Variants in NAV2 observed in about 807,000 individuals in gnomAD.
NAV2 encodes the protein helicase, APC down-regulated 1.
NAV2 carries 54 observed loss-of-function variants against 223.2 expected under a neutral mutation model. The observed-to-expected ratio is 0.24, with a 90% confidence interval of 0.19 to 0.30. The LOEUF (loss-of-function observed/expected upper bound fraction) is 0.30. Ranked by LOEUF, NAV2 falls within the 10% of genes least tolerant of loss-of-function variation. The pLI, the probability that NAV2 is intolerant of heterozygous loss-of-function variation, is 1.00. For missense variants in NAV2, 2,806 were observed against 3,147.5 expected (o/e 0.89, Z 2.60); for synonymous variants, 1,279 against 1,239.3 (o/e 1.03, Z -0.67).
chr11:19,970,245 T>G (rs1306036408), intron 10 of NAV2, among the ~76,000 whole-genome samples: 2 of 152,184 alleles, frequency 1.3e-5, no homozygotes, highest in South Asian at 2.1e-4. Flanking sequence ...CTCAGCTCAC[T>G]GCAACCTCCA....
At chr11:19,452,248 T>G (rs1177027433) in intron 1 of NAV2, among the ~76,000 whole-genome samples, 1 of 152,186 alleles carries the variant, frequency 6.6e-6, no homozygotes, top group Non-Finnish European at 1.5e-5. Context: ...TTTAAGAGAT[T>G]GCTTTTAAAA....
At chr11:19,687,566 A>T (rs2049057443) in intron 1 of NAV2, among the ~76,000 whole-genome samples, 1 of 152,146 alleles carries the variant, frequency 6.6e-6, no homozygotes, top group African/African-American at 2.4e-5. Context: ...TATTCCCTGG[A>T]GCTATGGAGA....
At chr11:19,849,479 G>C (rs191096725) in intron 3 of NAV2, among the ~76,000 whole-genome samples, 1 of 152,186 alleles carries the variant, frequency 6.6e-6, no homozygotes, top group African/African-American at 2.4e-5. Flanking sequence ...CCTTGAATTG[G>C]CCTCGAAGAG....
At chr11:19,901,546 C>A (rs1434609832) in intron 6 of NAV2, among the ~76,000 whole-genome samples, 1 of 152,198 alleles carries the variant, frequency 6.6e-6, no homozygotes, top group Non-Finnish European at 1.5e-5. Context: ...GAAAAGAGAA[C>A]ACTCCCTTTT....
At chr11:19,638,514 G>T (rs2047567562) in intron 1 of NAV2, among the ~76,000 whole-genome samples, 1 of 152,186 alleles carries the variant, frequency 6.6e-6, no homozygotes, top group African/African-American at 2.4e-5. Context: ...TCTAACAGTT[G>T]TTGAATTTTT....
chr11:19,440,567 A>T (rs1015962185), intron 1 of NAV2, among the ~76,000 whole-genome samples: 7 of 152,172 alleles, frequency 4.6e-5, no homozygotes, highest in Admixed American at 2.6e-4. Flanking sequence ...CTAGTCATTC[A>T]TTCTTGCATT....
chr11:20,077,990 T>G lies in NAV2; in HGVS notation c.5068-3T>G. On this transcript the variant is annotated splice_region_variant and splice_polypyrimidine_tract_variant and intron_variant, in intron 23 of 37. Coordinates refer to ENST00000349880, the MANE Select transcript of NAV2 (RefSeq NM_145117.5). Reference sequence around the variant, plus strand: ...CTGACCAATAATTTTTTCTGTTCCCTAGGACTCAGAACTGAATGAGTTAAG... The same window carrying G: ...CTGACCAATAATTTTTTCTGTTCCCGAGGACTCAGAACTGAATGAGTTAAG... 6.2e-7 allele frequency: 1 copy of G among 1,608,944 alleles called. No homozygotes were observed. Among genetic ancestry groups the G allele is most frequent in the Non-Finnish European group, 8.5e-7 (1 of 1,175,554 alleles).
At chr11:20,056,739 G>C (rs1361986093) in intron 19 of NAV2, 1 of 715,054 alleles carries the variant, frequency 1.4e-6, no homozygotes, top group East Asian at 2.7e-5. Flanking sequence ...ATAGGAGTCA[G>C]ACTAGCAGAG....
intron 1 of NAV2, among the ~76,000 whole-genome samples, chr11:19,665,329 G>A (rs977214310): frequency 3.3e-5 from 5 of 152,200 alleles, no homozygotes; most frequent in African/African-American, 1.2e-4. Context: ...CTCCTTTCAG[G>A]TCTGTGGAGC....
chr11:19,713,850 A>G lies in NAV2; in HGVS notation c.155A>G (p.Tyr52Cys), dbSNP rs148165391. 3,050 of 1,613,580 alleles carry G rather than the reference A, an allele frequency of 1.9e-3. 1 individual carries two copies. Among genetic ancestry groups the G allele is most frequent in the Non-Finnish European group, 2.4e-3 (2,774 of 1,179,908 alleles). ...AAGGTGGAGGTGAGCAAGACCACCT[A>G]TCCTAGCCAGATCCCCCTGAAATCG... is the stretch of plus-strand genomic sequence containing the variant. ...GSKVEVSKTT[Y>C]PSQIPLKSQV... The change falls in exon 1 of 38, where the codon TAT (tyrosine) becomes TGT (cysteine). Residue 52 changes from tyrosine (Y) to cysteine (C), a missense_variant. By Grantham distance (194) the Tyr-to-Cys change is radical. Coordinates refer to ENST00000349880, the MANE Select transcript of NAV2 (RefSeq NM_145117.5). The surrounding 1 kb of genome is among the most constrained non-coding windows in gnomAD (Gnocchi z 7.2).
intron 1 of NAV2, among the ~76,000 whole-genome samples, chr11:19,606,445 A>G (rs1455540874): frequency 6.6e-6 from 1 of 152,190 alleles, no homozygotes; most frequent in Non-Finnish European, 1.5e-5. Flanking sequence ...CTCAGTGTCC[A>G]GTGCTCCTCG....
chr11:20,082,589 C>G, intron 25 of NAV2: 1 of 1,613,918 alleles, frequency 6.2e-7, no homozygotes, highest in Non-Finnish European at 8.5e-7. Flanking sequence ...TTTTCTCTGG[C>G]AGGTCAATGA....
chr11:20,075,431 C>G (rs534936783), intron 22 of NAV2, among the ~76,000 whole-genome samples: 2 of 151,810 alleles, frequency 1.3e-5, no homozygotes, highest in Non-Finnish European at 1.5e-5. Context: ...TTAGTAGAGA[C>G]GGGGTTTCAC....
At position 19,530,108 on chromosome 11, in the gene NAV2, A is replaced by C. The variant is rs1289862066; in HGVS notation, c.75+179081A>C. Reference sequence around the variant, plus strand: ...AGCAAGTCACCATTGTCACCACTGGAAGTGGTGAGGAAGATCACTTGCAGG... The same window carrying C: ...AGCAAGTCACCATTGTCACCACTGGCAGTGGTGAGGAAGATCACTTGCAGG... On this transcript the variant is annotated intron_variant, in intron 1 of 37. Transcript: ENST00000360655. Among the ~76,000 whole-genome samples, 3 of 152,274 alleles carry C rather than the reference A, an allele frequency of 2.0e-5. No homozygotes were observed. The East Asian group carries it at 5.8e-4, about 30-fold the overall frequency.
At chr11:19,428,727 A>G (rs1392962733) in intron 1 of NAV2, among the ~76,000 whole-genome samples, 1 of 152,224 alleles carries the variant, frequency 6.6e-6, no homozygotes, top group African/African-American at 2.4e-5. Flanking sequence ...TCTTCCTGTC[A>G]TAAAAATTTC....
chr11:19,972,300 T>G (rs2049318184), intron 10 of NAV2, among the ~76,000 whole-genome samples: 1 of 152,252 alleles, frequency 6.6e-6, no homozygotes. Flanking sequence ...AGGTGACATC[T>G]GGACGAGTGA....
At chr11:19,348,622 G>A (rs1046832503), upstream of NAV2, among the ~76,000 whole-genome samples, 1 of 152,206 alleles carries the variant, frequency 6.6e-6, no homozygotes, top group Non-Finnish European at 1.5e-5. Flanking sequence ...TAACAGAGAT[G>A]TGCTGAATAA....
At chr11:19,721,162 A>T (rs946953673) in intron 1 of NAV2, among the ~76,000 whole-genome samples, 3 of 152,214 alleles carry the variant, frequency 2.0e-5, no homozygotes, top group African/African-American at 7.2e-5. Flanking sequence ...CTTTGAAAAA[A>T]TATCTGAAAA....
At chr11:19,991,791 T>A (rs1361082050) in intron 11 of NAV2, among the ~76,000 whole-genome samples, 1 of 152,170 alleles carries the variant, frequency 6.6e-6, no homozygotes, top group African/African-American at 2.4e-5. Flanking sequence ...TTTCCCTCCT[T>A]CCTTCATGAC....
Sources: gnomAD v4.1 joint callset for allele counts (sites outside exome capture counted in the v4.1 genomes callset) on GRCh38, gnomAD v4.1.1 for gene constraint, Gnocchi (gnomAD v3.1) non-coding constraint, MANE v1.5 for transcripts, NCBI Gene and HGNC (gene_info 2026-07-23, HGNC 2026-07-21) for gene names.